Variants in SCNN1B observed in about 807,000 individuals in gnomAD.
The protein encoded by SCNN1B is epithelial sodium channel subunit beta.
A neutral mutation model predicts 65.3 loss-of-function variants in SCNN1B; 46 were observed. That is an observed-to-expected ratio of 0.70 (90% CI 0.56 to 0.90). The LOEUF (loss-of-function observed/expected upper bound fraction) is 0.90, where lower values mean the gene tolerates loss of function less well. Ranked by LOEUF, SCNN1B falls within the 40% of genes least tolerant of loss-of-function variation. The probability of loss-of-function intolerance (pLI) is 0.00; values close to 1 mark genes in which losing one functional copy is unlikely to be tolerated. For missense variants in SCNN1B, 751 were observed against 830.5 expected (o/e 0.90, Z 1.18); for synonymous variants, 349 against 330.6 (o/e 1.06, Z -0.60).
intron 1 of SCNN1B, among the ~76,000 whole-genome samples, chr16:23,305,566 ATATATATATATT>A (rs1961192066): frequency 7.8e-5 from 3 of 38,504 alleles, no homozygotes; most frequent in Non-Finnish European, 1.3e-4. Context: ...ATATATATAT[ATATATATATATT>A]ATATATATAT....
intron 4 of SCNN1B, among the ~76,000 whole-genome samples, chr16:23,364,089 C>T (rs1184854114): frequency 2.0e-5 from 3 of 151,854 alleles, no homozygotes; most frequent in Admixed American, 6.6e-5. Flanking sequence ...ATCACTTGAA[C>T]GGGGAGGCAG....
rs1555483371 is a variant in SCNN1B, at chr16:23,305,534, T to TATATATATA, written c.-9+3097_-9+3098insATATATATA. On this transcript the variant is annotated intron_variant, in intron 1 of 12. Coordinates refer to ENST00000343070, the MANE Select transcript of SCNN1B (RefSeq NM_000336.3). ...AACCCATCTCTACCAAATATATATA[T>TATATATATA]TATATATATATATATATATATATAT... Among the ~76,000 whole-genome samples the TATATATATA allele has an allele frequency of 1.5e-3, 11 of 7,374 alleles. 2 individuals carry two copies. Among genetic ancestry groups the TATATATATA allele is most frequent in the East Asian group, 8.2e-3 (1 of 122 alleles). 4.8% of individuals were successfully genotyped at this position (7,374 alleles called of 152,430 possible).
rs1171549709 is a variant in SCNN1B at position 23,380,838 on chromosome 16, T to C, written c.*37T>C. 2 of 1,610,112 alleles carry C rather than the reference T, an allele frequency of 1.2e-6. No individual in the cohort carries two copies. The highest frequency in any genetic ancestry group is 1.7e-6 in the Non-Finnish European group (2 of 1,178,868). Reference sequence around the variant, plus strand: ...CCCACCCCGGGCGGCTGAAACTCACTGAGCAGCCAAGACTGTTGCCCGAGG... The same window carrying C: ...CCCACCCCGGGCGGCTGAAACTCACCGAGCAGCCAAGACTGTTGCCCGAGG... On this transcript the variant is annotated 3_prime_UTR_variant, in exon 13 of 13. Coordinates refer to ENST00000343070, the MANE Select transcript of SCNN1B (RefSeq NM_000336.3). This position sits in a 1 kb window ranked among gnomAD's most constrained non-coding sequence, Gnocchi z 5.4.
At chr16:23,355,591 C>A in intron 4 of SCNN1B, 102 bp downstream of exon 4, 1 of 1,187,884 alleles carries the variant, frequency 8.4e-7, no homozygotes, top group Non-Finnish European at 1.2e-6. Flanking sequence ...TCCTGCCCAG[C>A]CACTTACCGG....
intron 1 of SCNN1B, among the ~76,000 whole-genome samples, chr16:23,346,265 G>A (rs189337393): frequency 5.4e-4 from 70 of 130,402 alleles, no homozygotes; most frequent in Admixed American, 2.0e-3. Flanking sequence ...AGGCTGGAGT[G>A]CAGTGGGGCG....
At chr16:23,371,133 A>G (rs1962773659) in intron 5 of SCNN1B, among the ~76,000 whole-genome samples, 166 bp from the exon 6 acceptor site, 1 of 152,208 alleles carries the variant, frequency 6.6e-6, no homozygotes, top group African/African-American at 2.4e-5. Flanking sequence ...GGGGCTTTGC[A>G]GAAGGCAAGC....
intron 7 of SCNN1B, 127 bp downstream of exon 7, chr16:23,372,010 G>A (rs553514039): frequency 2.7e-6 from 2 of 744,546 alleles, no homozygotes; most frequent in Admixed American, 4.0e-5. Context: ...GGTTGCCACG[G>A]GGCACCCCGG....
At chr16:23,308,504 T>C (rs1180756677) in intron 1 of SCNN1B, among the ~76,000 whole-genome samples, 1 of 152,192 alleles carries the variant, frequency 6.6e-6, no homozygotes, top group Non-Finnish European at 1.5e-5. Flanking sequence ...GCCTAGGTGA[T>C]AGAATAAGGC....
At position 23,352,971 on chromosome 16, in the gene SCNN1B, C is replaced by T. The variant is rs758639448; in HGVS notation, c.482C>T (p.Pro161Leu). Residue 161 changes from proline to leucine, a missense_variant, in exon 3 of 13, where the codon CCC (proline) becomes CTC (leucine). Pro to Leu is a moderately conservative substitution (Grantham distance 98, BLOSUM62 -3). Coordinates refer to ENST00000343070, the MANE Select transcript of SCNN1B (RefSeq NM_000336.3). ...ATTGATGAACGGAACCCCCACCACCCCATGGTCCTTGATCTCTTTGGAGAC... is the reference window on the plus strand; with the variant it reads ...ATTGATGAACGGAACCCCCACCACCTCATGGTCCTTGATCTCTTTGGAGAC... The part of the protein sequence containing the change: ...VLIDERNPHH[P>L]MVLDLFGDNH... 10 of 1,614,186 alleles carry T rather than the reference C, an allele frequency of 6.2e-6. No individual in the cohort carries two copies. The South Asian group carries it at 1.1e-4, about 18-fold the overall frequency.
chr16:23,367,856 G>C lies in SCNN1B; in HGVS notation c.777G>C (p.Arg259=), dbSNP rs765985836. 43 of 1,612,464 alleles carry C rather than the reference G, an allele frequency of 2.7e-5. No individual in the cohort carries two copies. Among genetic ancestry groups the C allele is most frequent in the Non-Finnish European group, 3.4e-5 (40 of 1,178,586 alleles). ...CLFGAEPCNY[R]NFTSIFYPHY... is the part of the protein sequence containing the mutation. ...CTGCAGCTGATGCTGTTTCTTTTAG[G>C]AACTTCACGTCCATCTTCTACCCTC... Residue 259 remains arginine (R), a splice_region_variant and synonymous_variant, in exon 5 of 13, where the codon CGG becomes CGC. Transcript: ENST00000343070.
intron 1 of SCNN1B, among the ~76,000 whole-genome samples, chr16:23,334,258 C>T (rs1251876912): frequency 1.3e-5 from 2 of 152,140 alleles, no homozygotes; most frequent in African/African-American, 4.8e-5. Context: ...CAGTGAACCT[C>T]CCATGACCCA....
intron 1 of SCNN1B, among the ~76,000 whole-genome samples, chr16:23,336,763 C>T (rs917186836): frequency 6.6e-6 from 1 of 152,082 alleles, no homozygotes; most frequent in African/African-American, 2.4e-5. Flanking sequence ...TGGCTCAGCA[C>T]ATCAAACCTG....
chr16:23,361,072 G>A lies in SCNN1B; in HGVS notation c.776+5583G>A, dbSNP rs152738. On this transcript the variant is annotated intron_variant, in intron 4 of 12. Coordinates refer to ENST00000343070, the MANE Select transcript of SCNN1B (RefSeq NM_000336.3). ...GCCTTCCAAAGTGCTGGGATTACAGGCATGAGCCACTGTGCCCAGCGTAAA... is the reference window on the plus strand; with the variant it reads ...GCCTTCCAAAGTGCTGGGATTACAGACATGAGCCACTGTGCCCAGCGTAAA... Among the ~76,000 whole-genome samples, 377 of 152,250 alleles carry A rather than the reference G, an allele frequency of 2.5e-3. 1 individual carries two copies. Among genetic ancestry groups the A allele is most frequent in the Non-Finnish European group, 3.8e-3 (260 of 68,012 alleles).
intron 1 of SCNN1B, among the ~76,000 whole-genome samples, chr16:23,321,419 A>C (rs1414131675): frequency 6.6e-6 from 1 of 151,998 alleles, no homozygotes; most frequent in Non-Finnish European, 1.5e-5. Context: ...CCCGCCTGTG[A>C]GTGGGGGTGT....
intron 1 of SCNN1B, among the ~76,000 whole-genome samples, chr16:23,321,944 G>A (rs1324555632): frequency 6.6e-6 from 1 of 152,100 alleles, no homozygotes; most frequent in Non-Finnish European, 1.5e-5. Context: ...AGGATCGCTT[G>A]AGCCCGGGAG....
intron 1 of SCNN1B, among the ~76,000 whole-genome samples, chr16:23,319,581 A>G (rs1961544873): frequency 6.6e-6 from 1 of 152,156 alleles, no homozygotes; most frequent in Non-Finnish European, 1.5e-5. Context: ...AGTCATTTAC[A>G]TGTTATCTAC....
At position 23,362,032 on chromosome 16, in the gene SCNN1B, T is replaced by C. The variant is rs551574482; in HGVS notation, c.777-5824T>C. 1.4e-3 allele frequency among the ~76,000 whole-genome samples: 207 copies of C among 152,182 alleles called. 2 individuals carry two copies. The highest frequency in any genetic ancestry group is 4.5e-3 in the African/African-American group (185 of 41,532). On this transcript the variant is annotated intron_variant, in intron 4 of 12. Coordinates refer to ENST00000343070, the MANE Select transcript of SCNN1B (RefSeq NM_000336.3). ...CTTGCCCAAGCTCTGGTTTTTTAAATTGAAGAATGGTATTTAGAAACCAAG... is the reference window on the plus strand; with the variant it reads ...CTTGCCCAAGCTCTGGTTTTTTAAACTGAAGAATGGTATTTAGAAACCAAG...
Position 23,348,773 on chromosome 16 carries a change from C to T in SCNN1B, c.174C>T (p.Leu58=). The T allele has an allele frequency of 6.2e-7, 1 of 1,614,188 alleles. No individual in the cohort carries two copies. Among genetic ancestry groups the T allele is most frequent in the Non-Finnish European group, 8.5e-7 (1 of 1,180,044 alleles). The change falls in exon 2 of 13, where the codon CTC becomes CTT. Residue 58 remains leucine (L), a synonymous_variant. Coordinates refer to ENST00000343070, the MANE Select transcript of SCNN1B (RefSeq NM_000336.3). The surrounding 1 kb of genome is among the most constrained non-coding windows in gnomAD (Gnocchi z 4.5). ...CCATGTGGTTCCTGCTCACCCTGCTCTTCGCCGCCCTCGTCTGCTGGCAGT... is the reference window on the plus strand; with the variant it reads ...CCATGTGGTTCCTGCTCACCCTGCTTTTCGCCGCCCTCGTCTGCTGGCAGT... ...KKAMWFLLTL[L]FAALVCWQWG...
In SCNN1B at chr16:23,360,591, G is replaced by GTTT. The variant is rs35772167; in HGVS notation, c.776+5122_776+5124dup. 1.5e-3 allele frequency among the ~76,000 whole-genome samples: 143 copies of GTTT among 95,206 alleles called. 1 individual carries two copies. Among genetic ancestry groups the GTTT allele is most frequent in the Middle Eastern group, 6.4e-3 (1 of 156 alleles). The allele number at this position is 95,206 out of a possible 152,430, so 62.5% of individuals were successfully genotyped here. A position where few individuals can be genotyped will look rare whatever the true frequency, so the allele number is the denominator to read the frequency against. On this transcript the variant is annotated intron_variant, in intron 4 of 12. Coordinates refer to ENST00000343070, the MANE Select transcript of SCNN1B (RefSeq NM_000336.3). Reference sequence around the variant, plus strand: ...GACTTTGTTGTTGGTGGTGGTGGTGGTTTTTTTTTTTTTTTTTTTTTTGAG... The same window carrying GTTT: ...GACTTTGTTGTTGGTGGTGGTGGTGGTTTTTTTTTTTTTTTTTTTTTTTTTGAG...
Sources: gnomAD v4.1 joint callset for allele counts (sites outside exome capture counted in the v4.1 genomes callset) on GRCh38, gnomAD v4.1.1 for gene constraint, Gnocchi (gnomAD v3.1) non-coding constraint, MANE v1.5 for transcripts, NCBI Gene and HGNC (gene_info 2026-07-23, HGNC 2026-07-21) for gene names.